The following RBFOX1 variants were observed in gnomAD, a reference collection of about 807,000 sequenced individuals.
RBFOX1 encodes RNA binding fox-1 homolog 1, also known as RNA binding protein fox-1 homolog 1.
Under a neutral mutation model 57.7 loss-of-function variants are expected in RBFOX1, and 8 were observed. The ratio of observed to expected loss-of-function variants is 0.14; its 90% confidence interval spans 0.08 to 0.25. The LOEUF (loss-of-function observed/expected upper bound fraction) is 0.25. Among genes scored for constraint, RBFOX1 ranks in the 10% least tolerant of loss-of-function variants. RBFOX1 has a pLI of 1.00. For synonymous variants in RBFOX1, 326 were observed against 222.4 expected (o/e 1.47, Z -4.15); for missense variants, 611 against 548.5 (o/e 1.11, Z -1.14).
At chr16:7,112,446 G>T (rs1460494498) in intron 4 of RBFOX1, among the ~76,000 whole-genome samples, 1 of 146,426 alleles carries the variant, frequency 6.8e-6, no homozygotes, top group Middle Eastern at 3.6e-3. Flanking sequence ...GCCTCAAGTT[G>T]TCCGCCCGCC....
At chr16:5,392,530 T>TA (rs1440901882) in intron 1 of RBFOX1, among the ~76,000 whole-genome samples, 4 of 148,542 alleles carry the variant, frequency 2.7e-5, no homozygotes, top group African/African-American at 1.0e-4. Context: ...TATATATATA[T>TA]TTTTTTTCTT....
chr16:5,598,931 C>T lies in RBFOX1; in HGVS notation c.288C>T (p.Leu96=), dbSNP rs754859223. The T allele has an allele frequency of 9.1e-6, 14 of 1,532,550 alleles. No individual in the cohort carries two copies. The South Asian group carries it at 1.2e-4, about 13-fold the overall frequency. 94.9% of individuals were successfully genotyped at this position (1,532,550 alleles called of 1,614,324 possible). Reference sequence around the variant, plus strand: ...ACAAGTCTGAAAATTCAACCCTCCTCCCCGGTGCCAAGAACAGCCTGCAAG... The same window carrying T: ...ACAAGTCTGAAAATTCAACCCTCCTTCCCGGTGCCAAGAACAGCCTGCAAG... Residue 96 remains leucine (L), a synonymous_variant, in exon 3 of 3, where the codon CTC becomes CTT. Transcript: ENST00000585867.
intron 1 of RBFOX1, among the ~76,000 whole-genome samples, chr16:6,153,486 G>C (rs982882862): frequency 6.6e-6 from 1 of 151,186 alleles, no homozygotes; most frequent in Non-Finnish European, 1.5e-5. Context: ...CTATTTTCAA[G>C]TTAACACACA....
intron 2 of RBFOX1, among the ~76,000 whole-genome samples, chr16:6,439,413 C>T (rs930346435): frequency 6.6e-6 from 1 of 152,138 alleles, no homozygotes; most frequent in Non-Finnish European, 1.5e-5. Context: ...TGGCTCTTAC[C>T]CCGGGCTGTG....
chr16:6,553,317 C>T (rs750410822), intron 2 of RBFOX1, among the ~76,000 whole-genome samples: 2 of 152,166 alleles, frequency 1.3e-5, no homozygotes, highest in African/African-American at 2.4e-5. Context: ...AAATAAAGAT[C>T]GTGAAGTGCA....
chr16:7,142,196 G>C (rs1175771322), intron 4 of RBFOX1, among the ~76,000 whole-genome samples: 1 of 151,956 alleles, frequency 6.6e-6, no homozygotes, highest in African/African-American at 2.4e-5. Flanking sequence ...ACCAATTTCT[G>C]TATGTTTTGT....
intron 3 of RBFOX1, among the ~76,000 whole-genome samples, chr16:6,968,568 C>G (rs192140307): frequency 6.6e-6 from 1 of 152,178 alleles, no homozygotes; most frequent in African/African-American, 2.4e-5. Flanking sequence ...GGGAAAGTCT[C>G]AGAATGATGT....
rs147301427 is a variant in RBFOX1, at chr16:7,251,535, C to T, written c.27+199437C>T. 1.0e-2 allele frequency among the ~76,000 whole-genome samples: 1,517 copies of T among 151,900 alleles called. 20 individuals are homozygous for T. The highest frequency in any genetic ancestry group is 0.035 in the African/African-American group (1,449 of 41,404). ...AAGTGATTTTCCTGCCTCAGACTCCCAAGTAGCTGGGATTACACGTGTCTC... is the reference window on the plus strand; with the variant it reads ...AAGTGATTTTCCTGCCTCAGACTCCTAAGTAGCTGGGATTACACGTGTCTC... On this transcript the variant is annotated intron_variant, in intron 4 of 15. Coordinates refer to ENST00000550418, the MANE Select transcript of RBFOX1 (RefSeq NM_018723.4).
intron 3 of RBFOX1, among the ~76,000 whole-genome samples, chr16:6,800,935 CCT>C (rs949450642): frequency 5.9e-5 from 9 of 151,938 alleles, no homozygotes; most frequent in Non-Finnish European, 1.2e-4. Flanking sequence ...CCGTCTTGCC[CCT>C]GTTTGAGTAT....
chr16:7,617,510 T>G (rs1249030422), intron 10 of RBFOX1, among the ~76,000 whole-genome samples: 2 of 152,138 alleles, frequency 1.3e-5, no homozygotes, highest in Non-Finnish European at 2.9e-5. Context: ...TTGAGAGTTT[T>G]TCTTTTGGTT....
intron 1 of RBFOX1, among the ~76,000 whole-genome samples, chr16:6,183,427 C>T (rs1299638689): frequency 1.3e-5 from 2 of 151,596 alleles, no homozygotes; most frequent in Middle Eastern, 3.2e-3. Context: ...TTGCAGTGAG[C>T]CGAGATCGCG....
chr16:7,146,688 C>G (rs992642973), intron 4 of RBFOX1, among the ~76,000 whole-genome samples: 1 of 151,996 alleles, frequency 6.6e-6, no homozygotes, highest in Non-Finnish European at 1.5e-5. Flanking sequence ...GTGGCTCATG[C>G]CTGCAATCCT....
Position 5,947,627 on chromosome 16 carries a change from C to T in RBFOX1, c.351+80292C>T, listed in dbSNP as rs529966661. Among the ~76,000 whole-genome samples the T allele has an allele frequency of 2.0e-5, 3 of 152,268 alleles. No individual in the cohort carries two copies. Among genetic ancestry groups the T allele is most frequent in the South Asian group, 2.1e-4 (1 of 4,820 alleles). On this transcript the variant is annotated intron_variant, in intron 4 of 19. Coordinates refer to the RBFOX1 transcript ENST00000641259. The surrounding 1 kb of genome is among the most constrained non-coding windows in gnomAD (Gnocchi z 7.2). The stretch of plus-strand genomic sequence containing the variant: ...CATGATCCACCATGTCTTGACCCTT[C>T]GATTTTAGGTATTTTTATGGCATCC...
At chr16:7,710,093 A>C in intron 15 of RBFOX1, 1 of 1,002,482 alleles carries the variant, frequency 1.0e-6, no homozygotes. Flanking sequence ...ATTGTTTTGC[A>C]CAAGCTTAAT....
At chr16:5,634,695 T>C (rs1596529626) in intron 3 of RBFOX1, among the ~76,000 whole-genome samples, 1 of 152,060 alleles carries the variant, frequency 6.6e-6, no homozygotes. Context: ...AGGCAGCAAA[T>C]TGGGATGGGG....
intron 3 of RBFOX1, among the ~76,000 whole-genome samples, chr16:6,855,148 G>C (rs2057593962): frequency 1.3e-5 from 2 of 152,058 alleles, no homozygotes. Flanking sequence ...AATTCCGTGA[G>C]TGTGTAGCTA....
chr16:5,746,679 A>G lies in RBFOX1; in HGVS notation c.319-120624A>G, dbSNP rs546028752. On this transcript the variant is annotated intron_variant, in intron 3 of 19. Transcript: ENST00000641259. ...CATCCCTTGTAAGTTGGATTCCTAG[A>G]TATTTTATTCTCTTTGAAGCAATTG... Among the ~76,000 whole-genome samples the G allele has an allele frequency of 4.3e-3, 660 of 152,092 alleles. 8 individuals carry two copies. Among genetic ancestry groups the G allele is most frequent in the Non-Finnish European group, 2.5e-3 (170 of 67,968 alleles).
intron 5 of RBFOX1, among the ~76,000 whole-genome samples, chr16:7,533,395 T>C (rs1286828455): frequency 1.3e-5 from 2 of 152,098 alleles, no homozygotes; most frequent in Admixed American, 6.6e-5. Context: ...CCCATACACA[T>C]ACACACAGCC....
At chr16:5,854,236 A>C (rs539630326) in intron 3 of RBFOX1, among the ~76,000 whole-genome samples, 1 of 152,226 alleles carries the variant, frequency 6.6e-6, no homozygotes, top group South Asian at 2.1e-4. Context: ...TATATAGTAC[A>C]GTATTGTTCA....
Sources: allele counts gnomAD v4.1 joint callset (sites outside exome capture counted in the v4.1 genomes callset), GRCh38; gene constraint gnomAD v4.1.1; non-coding constraint Gnocchi (gnomAD v3.1); transcripts MANE v1.5; gene names NCBI Gene and HGNC (gene_info 2026-07-23, HGNC 2026-07-21).